The following OPRL1 variants were observed in gnomAD, a reference collection of about 807,000 sequenced individuals.
OPRL1 encodes nociceptin receptor.
In OPRL1, 5 loss-of-function variants were observed where a neutral mutation model predicts 15.5. The observed-to-expected ratio is 0.32, with a 90% confidence interval of 0.17 to 0.68. The LOEUF (loss-of-function observed/expected upper bound fraction) is 0.68, where lower values mean the gene tolerates loss of function less well. Ranked by LOEUF, OPRL1 falls within the 30% of genes least tolerant of loss-of-function variation. The pLI, the probability that OPRL1 is intolerant of heterozygous loss-of-function variation, is 0.72. For missense variants in OPRL1, 406 were observed against 515.3 expected (o/e 0.79, Z 2.05); for synonymous variants, 223 against 230.2 (o/e 0.97, Z 0.28).
At chr20:64,096,722 CCATCATCACCACTAT>C (rs1466100740) in intron 3 of OPRL1, among the ~76,000 whole-genome samples, 117 of 151,930 alleles carry the variant, frequency 7.7e-4, no homozygotes, top group Admixed American at 1.6e-3. Flanking sequence ...ACCATCACCA[CCATCATCACCACTAT>C]CATCATCACC....
chr20:64,084,324 C>T (rs983324992), intron 1 of OPRL1: 14 of 1,290,326 alleles, frequency 1.1e-5, no homozygotes, highest in South Asian at 9.5e-5. Flanking sequence ...AGCTCCCGCC[C>T]GCTGGGCTCT....
At chr20:64,093,586 T>G (rs1464896478) in intron 3 of OPRL1, among the ~76,000 whole-genome samples, 1 of 66 alleles carries the variant, frequency 0.015, no homozygotes, top group Non-Finnish European at 0.026. Flanking sequence ...AGTGTGGGGG[T>G]CAGTGTGGGG....
At chr20:64,082,584 T>C (rs12106028) in intron 1 of OPRL1, among the ~76,000 whole-genome samples, 18,437 of 152,046 alleles carry the variant, frequency 0.12, 1,582 homozygotes, top group African/African-American at 0.25. Flanking sequence ...GCGGTCCCGC[T>C]TCTGTGCAGC....
chr20:64,080,905 G>A (rs762419043), intron 1 of OPRL1, among the ~76,000 whole-genome samples: 47 of 152,188 alleles, frequency 3.1e-4, no homozygotes, highest in Non-Finnish European at 6.3e-4. Flanking sequence ...GAACTCTGAG[G>A]GGTGCAAAGG....
At chr20:64,081,156 A>G (rs1349266016) in intron 1 of OPRL1, among the ~76,000 whole-genome samples, 1 of 152,032 alleles carries the variant, frequency 6.6e-6, no homozygotes, top group Non-Finnish European at 1.5e-5. Flanking sequence ...GGGAGGTCAG[A>G]GGTCAGAGGG....
chr20:64,095,833 G>A (rs1486057244), intron 3 of OPRL1, among the ~76,000 whole-genome samples: 1 of 152,038 alleles, frequency 6.6e-6, no homozygotes, highest in South Asian at 2.1e-4. Flanking sequence ...CACCATCCTA[G>A]CCCTGTCCTC....
intron 1 of OPRL1, among the ~76,000 whole-genome samples, chr20:64,086,328 C>T (rs1460084632): frequency 1.3e-5 from 2 of 152,198 alleles, no homozygotes; most frequent in African/African-American, 4.8e-5. Flanking sequence ...TTGACACCCC[C>T]TAGTCCATAA....
At chr20:64,092,309 T>C (rs1053206955) in intron 2 of OPRL1, among the ~76,000 whole-genome samples, 193 bp downstream of exon 2, 8 of 152,198 alleles carry the variant, frequency 5.3e-5, no homozygotes, top group Non-Finnish European at 1.0e-4. Context: ...CTTGTGTCCC[T>C]GCATCCCTGT....
chr20:64,083,534 C>T lies in OPRL1; in HGVS notation c.-185+3182C>T, dbSNP rs756392930. ...GGCTGGGGTCCGGCGTGTGCGGAGG[C>T]GGGCAGGGCCCCTCCCCTTTCCCCG... On this transcript the variant is annotated intron_variant, in intron 1 of 4. Coordinates refer to ENST00000336866, the MANE Select transcript of OPRL1 (RefSeq NM_182647.4). This position sits in a 1 kb window ranked among gnomAD's most constrained non-coding sequence, Gnocchi z 4.9. 1 of 1,549,174 alleles carries T rather than the reference C, an allele frequency of 6.5e-7. No individual in the cohort carries two copies.
At chr20:64,080,508 A>G (rs1022356016) in intron 1 of OPRL1, among the ~76,000 whole-genome samples, 156 bp downstream of exon 1, 3 of 152,106 alleles carry the variant, frequency 2.0e-5, no homozygotes, top group Non-Finnish European at 4.4e-5. Flanking sequence ...TTGCATCCGG[A>G]GTCATGCCGA....
At position 64,090,453 on chromosome 20, in the gene OPRL1, G is replaced by A. The variant is rs570030353; in HGVS notation, c.-184-1513G>A. 1.3e-5 allele frequency among the ~76,000 whole-genome samples: 2 copies of A among 152,334 alleles called. No homozygotes were observed. The highest frequency in any genetic ancestry group is 2.9e-5 in the Non-Finnish European group (2 of 68,018). ...TATCCTAGCAACGCTGCTGCCAGTTGCCTAGCAACCAGGTCCCCACTCATG... is the reference window on the plus strand; with the variant it reads ...TATCCTAGCAACGCTGCTGCCAGTTACCTAGCAACCAGGTCCCCACTCATG... On this transcript the variant is annotated intron_variant, in intron 1 of 4. Coordinates refer to ENST00000336866, the MANE Select transcript of OPRL1 (RefSeq NM_182647.4). This position sits in a 1 kb window ranked among gnomAD's most constrained non-coding sequence, Gnocchi z 4.9.
intron 1 of OPRL1, chr20:64,086,474 G>C (rs2145579548): frequency 5.1e-6 from 1 of 196,012 alleles, no homozygotes; most frequent in South Asian, 6.9e-5. Context: ...GACCCAGCAG[G>C]CCGACACCTC....
At position 64,083,825 on chromosome 20, in the gene OPRL1, C is replaced by CG; in HGVS notation, c.-185+3476dup. 6 of 1,366,604 alleles carry CG rather than the reference C, an allele frequency of 4.4e-6. No homozygotes were observed. The highest frequency in any genetic ancestry group is 5.6e-6 in the Non-Finnish European group (6 of 1,066,308). The allele number at this position is 1,366,604 out of a possible 1,614,324, so 84.7% of individuals were successfully genotyped here. On this transcript the variant is annotated intron_variant, in intron 1 of 4. Coordinates refer to ENST00000336866, the MANE Select transcript of OPRL1 (RefSeq NM_182647.4). The surrounding 1 kb of genome is among the most constrained non-coding windows in gnomAD (Gnocchi z 4.9). ...CCGACCCCCTCGCCTCACCCGCATG[C>CG]GGGTGTAGCGCAGCCGCAGGGCGCG...
chr20:64,085,754 T>A (rs1383015502), intron 1 of OPRL1, among the ~76,000 whole-genome samples: 1 of 152,228 alleles, frequency 6.6e-6, no homozygotes, highest in African/African-American at 2.4e-5. Flanking sequence ...GGAGTAGGGC[T>A]GTCCCAGCTG....
chr20:64,092,849 C>A lies in OPRL1; in HGVS notation c.129C>A (p.Gly43=), dbSNP rs146075237. The change falls in exon 3 of 5, where the codon GGC becomes GGA. Residue 43 remains glycine, a synonymous_variant. Coordinates refer to ENST00000336866, the MANE Select transcript of OPRL1 (RefSeq NM_182647.4). The part of the protein sequence containing the change: ...PPHLLLNASH[G]AFLPLGLKVT... ...ATCTGCTGCTCAATGCCAGCCACGGCGCCTTCCTGCCCCTCGGGCTCAAGG... is the reference window on the plus strand; with the variant it reads ...ATCTGCTGCTCAATGCCAGCCACGGAGCCTTCCTGCCCCTCGGGCTCAAGG... 3.2e-5 allele frequency: 51 copies of A among 1,612,660 alleles called. No homozygotes were observed. The highest frequency in any genetic ancestry group is 4.2e-5 in the Non-Finnish European group (50 of 1,179,954).
At position 64,090,238 on chromosome 20, in the gene OPRL1, T is replaced by G. The variant is rs1194715897; in HGVS notation, c.-184-1728T>G. Among the ~76,000 whole-genome samples the G allele has an allele frequency of 6.6e-6, 1 of 152,208 alleles. No individual in the cohort carries two copies. Among genetic ancestry groups the G allele is most frequent in the African/African-American group, 2.4e-5 (1 of 41,448 alleles). On this transcript the variant is annotated intron_variant, in intron 1 of 4. Coordinates refer to ENST00000336866, the MANE Select transcript of OPRL1 (RefSeq NM_182647.4). This position sits in a 1 kb window ranked among gnomAD's most constrained non-coding sequence, Gnocchi z 4.9. ...GTTCACCCGTATGCCTGTCTGGGCA[T>G]CTGTGTGTGTGTTTGCAGGAATGTG...
intron 1 of OPRL1, among the ~76,000 whole-genome samples, chr20:64,087,929 C>A (rs145773061): frequency 6.6e-6 from 1 of 152,224 alleles, no homozygotes; most frequent in African/African-American, 2.4e-5. Flanking sequence ...TCCGTGGGAG[C>A]GTTTCTGGGT....
At position 64,083,875 on chromosome 20, in the gene OPRL1, C is replaced by T. The variant is rs2060004539; in HGVS notation, c.-185+3523C>T. On this transcript the variant is annotated intron_variant, in intron 1 of 4. Coordinates refer to ENST00000336866, the MANE Select transcript of OPRL1 (RefSeq NM_182647.4). This position sits in a 1 kb window ranked among gnomAD's most constrained non-coding sequence, Gnocchi z 4.9. The stretch of plus-strand genomic sequence containing the variant: ...GGACTCGCCCGCGGGCCTCCGCTGC[C>T]TTGAGGACGCCGAGGAGCCGGTTCT... 1.4e-6 allele frequency: 2 copies of T among 1,436,398 alleles called. No homozygotes were observed. The highest frequency in any genetic ancestry group is 1.4e-5 in the South Asian group (1 of 72,214). The allele number at this position is 1,436,398 out of a possible 1,614,324, so 89.0% of individuals were successfully genotyped here.
In OPRL1 at chr20:64,083,786, G is replaced by A. The variant is rs1461816955; in HGVS notation, c.-185+3434G>A. On this transcript the variant is annotated intron_variant, in intron 1 of 4. Transcript: ENST00000336866. The surrounding 1 kb of genome is among the most constrained non-coding windows in gnomAD (Gnocchi z 4.9). ...CGGCTCCGCTCAACGCTCCCGGTGC[G>A]CCCCCTCTGCCCTCCGACCCCCTCG... The A allele has an allele frequency of 5.2e-5, 69 of 1,332,022 alleles. No individual in the cohort carries two copies. The highest frequency in any genetic ancestry group is 1.4e-4 in the South Asian group (7 of 50,872). 82.5% of individuals were successfully genotyped at this position (1,332,022 alleles called of 1,614,324 possible).
Sources: gnomAD v4.1 joint callset for allele counts (sites outside exome capture counted in the v4.1 genomes callset) on GRCh38, gnomAD v4.1.1 for gene constraint, Gnocchi (gnomAD v3.1) non-coding constraint, MANE v1.5 for transcripts, NCBI Gene and HGNC (gene_info 2026-07-23, HGNC 2026-07-21) for gene names.